The following NOTCH2 variants were observed in gnomAD, a reference collection of about 807,000 sequenced individuals.
NOTCH2 encodes the protein notch receptor 2.
In NOTCH2, 29 loss-of-function variants were observed where a neutral mutation model predicts 235.8. The ratio of observed to expected loss-of-function variants is 0.12; its 90% CI spans 0.09 to 0.17. NOTCH2 has a LOEUF of 0.17. Among genes scored for constraint, NOTCH2 ranks in the 10% least tolerant of loss-of-function variants. The pLI, the probability that NOTCH2 is intolerant of heterozygous loss-of-function variation, is 1.00. For missense variants in NOTCH2, 2,285 were observed against 3,150.2 expected (o/e 0.73, Z 6.57); for synonymous variants, 1,086 against 1,141.5 (o/e 0.95, Z 0.98).
chr1:119,926,688 A>T, intron 23 of NOTCH2, 77 bp from the exon 24 acceptor site: 1 of 1,175,170 alleles, frequency 8.5e-7, no homozygotes, highest in Non-Finnish European at 1.2e-6. Flanking sequence ...CTTTGCTGGG[A>T]TGGGAACTAG....
At chr1:119,937,249 G>A (rs2101098720) in intron 21 of NOTCH2, 33 bp downstream of exon 21, 1 of 1,605,640 alleles carries the variant, frequency 6.2e-7, no homozygotes, top group Admixed American at 1.7e-5. Flanking sequence ...TCTCCTGGGA[G>A]GTCCATGACC....
At chr1:120,002,853 G>A (rs1376401086) in intron 3 of NOTCH2, among the ~76,000 whole-genome samples, 29 of 148,766 alleles carry the variant, frequency 1.9e-4, no homozygotes, top group Non-Finnish European at 3.5e-4. Flanking sequence ...CCGGATGTAT[G>A]AAGAATAGTT....
At chr1:120,051,277 A>ACACG (rs1553214390) in intron 1 of NOTCH2, among the ~76,000 whole-genome samples, 75 of 102,178 alleles carry the variant, frequency 7.3e-4, no homozygotes, top group Non-Finnish European at 6.6e-4. Flanking sequence ...ACACACACGC[A>ACACG]CACACACACA....
At chr1:120,048,360 G>A (rs1654882938) in intron 1 of NOTCH2, among the ~76,000 whole-genome samples, 3 of 136,890 alleles carry the variant, frequency 2.2e-5, no homozygotes, top group South Asian at 2.6e-4. Flanking sequence ...TGACCCATTC[G>A]TGGTCATGAT....
chr1:119,962,360 C>A (rs1650969685), intron 11 of NOTCH2, among the ~76,000 whole-genome samples: 1 of 152,186 alleles, frequency 6.6e-6, no homozygotes, highest in Non-Finnish European at 1.5e-5. Flanking sequence ...TCTTTTCCTA[C>A]TATAATTTCT....
chr1:119,943,551 A>T (rs1054528447), intron 17 of NOTCH2, among the ~76,000 whole-genome samples: 3 of 152,242 alleles, frequency 2.0e-5, no homozygotes, highest in Non-Finnish European at 4.4e-5. Flanking sequence ...ACTCTGAAGG[A>T]TTGAACTATG....
At chr1:119,973,713 T>C (rs781806584) in intron 5 of NOTCH2, among the ~76,000 whole-genome samples, 11 of 151,968 alleles carry the variant, frequency 7.2e-5, no homozygotes, top group Non-Finnish European at 1.2e-4. Context: ...CACTAGATAT[T>C]TGAGTGGGAA....
chr1:119,960,974 A>C (rs74753122), intron 11 of NOTCH2, among the ~76,000 whole-genome samples: 125 of 152,264 alleles, frequency 8.2e-4, no homozygotes, highest in African/African-American at 2.9e-3. Context: ...ACTCTGCAAT[A>C]ATGTTTATTA....
chr1:119,998,660 TAC>T (rs1390573890), intron 3 of NOTCH2, among the ~76,000 whole-genome samples: 6 of 152,162 alleles, frequency 3.9e-5, no homozygotes, highest in Non-Finnish European at 7.3e-5. Context: ...TTATTTAAAC[TAC>T]AGAGATGAGA....
At chr1:119,959,051 T>C (rs587769692) in intron 12 of NOTCH2, among the ~76,000 whole-genome samples, 14 of 152,290 alleles carry the variant, frequency 9.2e-5, no homozygotes, top group African/African-American at 3.4e-4. Flanking sequence ...TTACCTTGAA[T>C]ATGTCTTTAC....
At position 119,917,646 on chromosome 1, in the gene NOTCH2, C is replaced by T; in HGVS notation, c.6027+19G>A. Reference sequence around the variant, plus strand: ...GCACTGCTATGAGCCTCCTCAAGCTCAGAGCCCACAAACTGTACCTTGTTG... The same window carrying T: ...GCACTGCTATGAGCCTCCTCAAGCTTAGAGCCCACAAACTGTACCTTGTTG... On this transcript the variant is annotated intron_variant, in intron 33 of 33. Coordinates refer to ENST00000256646, the MANE Select transcript of NOTCH2 (RefSeq NM_024408.4). The T allele has an allele frequency of 6.4e-7, 1 of 1,553,766 alleles. No homozygotes were observed. Among genetic ancestry groups the T allele is most frequent in the Non-Finnish European group, 8.9e-7 (1 of 1,125,532 alleles).
chr1:119,973,734 C>T (rs1451163168), intron 5 of NOTCH2, among the ~76,000 whole-genome samples: 1 of 152,046 alleles, frequency 6.6e-6, no homozygotes, highest in Non-Finnish European at 1.5e-5. Flanking sequence ...AAGTTCTTGG[C>T]GATCACCTAG....
chr1:119,975,058 A>G (rs1651518829), intron 5 of NOTCH2, among the ~76,000 whole-genome samples: 1 of 152,244 alleles, frequency 6.6e-6, no homozygotes, highest in Non-Finnish European at 1.5e-5. Flanking sequence ...TTGCACAGTT[A>G]GTTGGCAAAA....
At chr1:120,011,148 G>T (rs1228762395) in intron 2 of NOTCH2, among the ~76,000 whole-genome samples, 1 of 152,112 alleles carries the variant, frequency 6.6e-6, no homozygotes, top group African/African-American at 2.4e-5. Context: ...AAGCAGTAGA[G>T]AATTTCTTTC....
Position 119,928,965 on chromosome 1 carries a change from G to A in NOTCH2, c.3892+11C>T. The A allele has an allele frequency of 6.2e-7, 1 of 1,611,128 alleles. No homozygotes were observed. Among genetic ancestry groups the A allele is most frequent in the Non-Finnish European group, 8.5e-7 (1 of 1,177,458 alleles). On this transcript the variant is annotated intron_variant, in intron 23 of 33. Transcript: ENST00000256646. ...AAGGCAGAGTGGCCAGGAGGCTAGA[G>A]AGCTTCTCACCAGTAAAGGCACTAC...
At chr1:119,918,302 G>A (rs1222730974) in intron 32 of NOTCH2, 104 bp downstream of exon 32, 19 of 1,248,832 alleles carry the variant, frequency 1.5e-5, no homozygotes, top group Admixed American at 1.2e-4. Flanking sequence ...AATCTCTCAC[G>A]TATTTGGATC....
chr1:120,060,450 A>AATATAT (rs782431280), intron 1 of NOTCH2, among the ~76,000 whole-genome samples: 5 of 139,870 alleles, frequency 3.6e-5, no homozygotes, highest in Non-Finnish European at 7.6e-5. Context: ...TCATAAACTA[A>AATATAT]ATATATATAT....
chr1:119,996,759 C>G lies in NOTCH2; in HGVS notation c.751+238G>C, dbSNP rs782129158. ...TTTCTCACTGTTTCTACAAAAGGGA[C>G]AATAAACAATTTTCTAGCCACTCAT... is the stretch of plus-strand genomic sequence containing the variant. On this transcript the variant is annotated intron_variant, in intron 4 of 33. Coordinates refer to ENST00000256646, the MANE Select transcript of NOTCH2 (RefSeq NM_024408.4). The G allele has an allele frequency of 9.5e-5, 92 of 965,232 alleles. No homozygotes were observed. The East Asian group carries it at 2.1e-3, about 22-fold the overall frequency. 59.8% of individuals were successfully genotyped at this position (965,232 alleles called of 1,614,324 possible).
chr1:119,973,455 A>T (rs1651446516), intron 5 of NOTCH2, among the ~76,000 whole-genome samples: 1 of 152,228 alleles, frequency 6.6e-6, no homozygotes, highest in South Asian at 2.1e-4. Context: ...AAGGTAAAAA[A>T]AAGGAAATAA....
Sources: gnomAD v4.1 joint callset for allele counts (sites outside exome capture counted in the v4.1 genomes callset) on GRCh38, gnomAD v4.1.1 for gene constraint, MANE v1.5 for transcripts, NCBI Gene and HGNC (gene_info 2026-07-23, HGNC 2026-07-21) for gene names.